The following C16orf89 variants were observed in gnomAD, a reference collection of about 807,000 sequenced individuals.
C16orf89 encodes UPF0764 protein C16orf89.
A neutral mutation model predicts 41.5 loss-of-function variants in C16orf89; 57 were observed. The observed-to-expected ratio is 1.38, with a 90% CI of 1.11 to 1.71. C16orf89 has a LOEUF of 1.71. C16orf89 is among the 40% of genes most tolerant of loss of function. C16orf89 has a pLI of 0.00. For missense variants in C16orf89, 575 were observed against 445.9 expected (o/e 1.29, Z -2.61); for synonymous variants, 223 against 190.6 (o/e 1.17, Z -1.40).
chr16:5,065,581 C>T (rs1282565735), intron 1 of C16orf89, 120 bp downstream of exon 1: 1 of 1,210,992 alleles, frequency 8.3e-7, no homozygotes, highest in Non-Finnish European at 1.1e-6. Context: ...CTCCTTATAG[C>T]CGAGGCAGGC....
intron 6 of C16orf89, among the ~76,000 whole-genome samples, chr16:5,053,412 T>G (rs1596691096): frequency 2.0e-5 from 3 of 146,912 alleles, no homozygotes; most frequent in Admixed American, 6.8e-5. Flanking sequence ...TTACTAGAGG[T>G]GGGGAGGGGG....
intron 6 of C16orf89, 126 bp downstream of exon 6, chr16:5,055,120 C>A: frequency 1.2e-6 from 1 of 812,098 alleles, no homozygotes; most frequent in South Asian, 1.7e-5. Context: ...TGTGTGTGCA[C>A]CTGTAGGTTA....
Position 5,058,212 on chromosome 16 carries a change from C to T in C16orf89, c.627+281G>A, listed in dbSNP as rs1339903134. ...GCGCAATCTTACTCACTGCAACCTC[C>T]GCCTCCCGGGTTCCAGTGATTCTCC... On this transcript the variant is annotated intron_variant, in intron 4 of 7. Transcript: ENST00000472572. Among the ~76,000 whole-genome samples, 12 of 151,936 alleles carry T rather than the reference C, an allele frequency of 7.9e-5. 1 individual carries two copies. The highest frequency in any genetic ancestry group is 3.9e-4 in the East Asian group (2 of 5,094).
rs1170706567 is a variant in C16orf89, at chr16:5,044,985, A to G, written c.956-507T>C. The G allele has an allele frequency of 2.7e-6, 3 of 1,129,882 alleles. No homozygotes were observed. The African/African-American group carries it at 5.1e-5, about 19-fold the overall frequency. The allele number at this position is 1,129,882 out of a possible 1,614,324, so 70.0% of individuals were successfully genotyped here. ...CTAAGGGCTCCCTTCTCTGGGAGGT[A>G]TGTCCCTCCCAAATAACTTACCAAT... On this transcript the variant is annotated intron_variant, in intron 7 of 7. Coordinates refer to ENST00000472572, the MANE Select transcript of C16orf89 (RefSeq NM_001098514.3).
chr16:5,060,798 A>G (rs545477736), intron 2 of C16orf89, among the ~76,000 whole-genome samples: 1 of 152,016 alleles, frequency 6.6e-6, no homozygotes, highest in Non-Finnish European at 1.5e-5. Context: ...CCCAACGTTC[A>G]AGACCAGCCT....
rs377584834 is a variant in C16orf89, at chr16:5,065,913, G to A, written c.-5C>T. On this transcript the variant is annotated 5_prime_UTR_variant, in exon 1 of 8. Transcript: ENST00000472572. ...CAGCAGCCCCAGGCTGGCCATGGCC[G>A]GCCTCTGCTCACTGCTGGTCACACG... 8.1e-6 allele frequency: 13 copies of A among 1,611,786 alleles called. 1 individual carries two copies. The highest frequency in any genetic ancestry group is 6.7e-5 in the East Asian group (3 of 44,780).
At chr16:5,057,843 T>C (rs890409439) in intron 4 of C16orf89, among the ~76,000 whole-genome samples, 1 of 152,006 alleles carries the variant, frequency 6.6e-6, no homozygotes, top group African/African-American at 2.4e-5. Context: ...TCATTTGTTT[T>C]TGTTTACAGA....
intron 6 of C16orf89, among the ~76,000 whole-genome samples, chr16:5,048,994 A>C (rs536151641): frequency 6.6e-6 from 1 of 152,230 alleles, no homozygotes; most frequent in Admixed American, 6.5e-5. Flanking sequence ...TGGTAAAGAC[A>C]CATATGGAAT....
At chr16:5,053,008 T>G (rs1956425800) in intron 6 of C16orf89, among the ~76,000 whole-genome samples, 1 of 152,194 alleles carries the variant, frequency 6.6e-6, no homozygotes, top group African/African-American at 2.4e-5. Flanking sequence ...TTATACTAAT[T>G]GAAGTAAGCC....
chr16:5,058,422 C>T (rs1010281763), intron 4 of C16orf89, 71 bp downstream of exon 4: 3 of 1,364,246 alleles, frequency 2.2e-6, no homozygotes, highest in Non-Finnish European at 3.1e-6. Context: ...CATGAGCCAC[C>T]ACGTCCGGCT....
At chr16:5,065,578 T>C in intron 1 of C16orf89, 123 bp downstream of exon 1, 4 of 1,188,950 alleles carry the variant, frequency 3.4e-6, no homozygotes, top group Non-Finnish European at 4.7e-6. Flanking sequence ...TCTCTCCTTA[T>C]AGCCGAGGCA....
chr16:5,064,151 AT>A (rs1567161242), intron 1 of C16orf89, among the ~76,000 whole-genome samples: 1 of 151,888 alleles, frequency 6.6e-6, no homozygotes, highest in African/African-American at 2.4e-5. Flanking sequence ...AATAATAATA[AT>A]AAATAAAAAA....
At chr16:5,044,566 G>C (rs1956259392) in intron 7 of C16orf89, 88 bp from the exon 8 acceptor site, 1 of 1,567,416 alleles carries the variant, frequency 6.4e-7, no homozygotes, top group African/African-American at 1.3e-5. Flanking sequence ...TTTTCAGCCA[G>C]ACGCGGTGGC....
At position 5,060,944 on chromosome 16, in the gene C16orf89, C is replaced by G. The variant is rs1201288575; in HGVS notation, c.359-508G>C. ...GGAGAATGCAGTGAGCTATGATCAG[C>G]CTTTTTTTTTTTTTTTTTTTTTTTT... On this transcript the variant is annotated intron_variant, in intron 2 of 7. Transcript: ENST00000472572. 1.6e-4 allele frequency among the ~76,000 whole-genome samples: 15 copies of G among 91,576 alleles called. No individual in the cohort carries two copies. The Admixed American group carries it at 1.7e-3, about 10-fold the overall frequency. The allele number at this position is 91,576 out of a possible 152,430, so 60.1% of individuals were successfully genotyped here.
chr16:5,065,600 G>A, intron 1 of C16orf89, 101 bp downstream of exon 1: 5 of 1,344,454 alleles, frequency 3.7e-6, no homozygotes, highest in Non-Finnish European at 5.1e-6. Context: ...GCTATACTGG[G>A]GCCAGGAGTC....
chr16:5,053,198 C>T (rs1283626126), intron 6 of C16orf89, among the ~76,000 whole-genome samples: 1 of 151,978 alleles, frequency 6.6e-6, no homozygotes, highest in African/African-American at 2.4e-5. Flanking sequence ...GGTGAAACCC[C>T]CTCTCTACTA....
chr16:5,059,323 G>A (rs1190835107), intron 3 of C16orf89, among the ~76,000 whole-genome samples: 4 of 151,596 alleles, frequency 2.6e-5, no homozygotes, highest in Non-Finnish European at 4.4e-5. Context: ...AAAATTAGCC[G>A]GGCATGGTGG....
intron 6 of C16orf89, among the ~76,000 whole-genome samples, chr16:5,048,812 A>G (rs1004523578): frequency 2.0e-5 from 3 of 152,178 alleles, no homozygotes; most frequent in African/African-American, 7.2e-5. Flanking sequence ...ATCAAAGGAT[A>G]TAGAAGATAA....
chr16:5,054,034 C>T (rs897657586), intron 6 of C16orf89, among the ~76,000 whole-genome samples: 1 of 152,154 alleles, frequency 6.6e-6, no homozygotes, highest in African/African-American at 2.4e-5. Flanking sequence ...GTTCCACAGC[C>T]CCATCCCCAA....
Sources: allele counts gnomAD v4.1 joint callset (sites outside exome capture counted in the v4.1 genomes callset), GRCh38; gene constraint gnomAD v4.1.1; transcripts MANE v1.5; gene names NCBI Gene and HGNC (gene_info 2026-07-23, HGNC 2026-07-21).